TXNRD1: variants seen among roughly 807,000 people sequenced by gnomAD.
TXNRD1 encodes the protein thioredoxin reductase 1, also known as thioredoxin reductase 1, cytoplasmic.
A neutral mutation model predicts 80.3 loss-of-function variants in TXNRD1; 57 were observed. The ratio of observed to expected loss-of-function variants is 0.71; its 90% CI spans 0.57 to 0.89. The LOEUF is 0.89. Ranked by LOEUF, TXNRD1 falls within the 40% of genes least tolerant of loss-of-function variation. The pLI is 0.00. For synonymous variants in TXNRD1, 291 were observed against 285.2 expected (o/e 1.02, Z -0.20); for missense variants, 730 against 803.0 (o/e 0.91, Z 1.10).
intron 4 of TXNRD1, chr12:104,290,862 C>G: frequency 2.0e-6 from 1 of 501,454 alleles, no homozygotes; most frequent in African/African-American, 2.0e-5. Context: ...TCTACTGATA[C>G]TCCTGGTTTT....
At chr12:104,339,372 G>A in intron 16 of TXNRD1, 99 bp downstream of exon 16, 1 of 1,517,160 alleles carries the variant, frequency 6.6e-7, no homozygotes. Flanking sequence ...CCCTGAGTTT[G>A]ATGATGATTC....
intron 3 of TXNRD1, chr12:104,265,909 AAAAG>A: frequency 6.6e-6 from 6 of 915,956 alleles, no homozygotes; most frequent in Non-Finnish European, 8.2e-6. Context: ...AAAAAAAAAA[AAAAG>A]TGATCTGGCT....
chr12:104,287,406 A>G (rs1593753430), intron 3 of TXNRD1: 3 of 1,613,982 alleles, frequency 1.9e-6, no homozygotes, highest in Non-Finnish European at 2.5e-6. Flanking sequence ...TTGTAGAGAC[A>G]GTTTGCAGAA....
chr12:104,339,283 C>G lies in TXNRD1; in HGVS notation c.1881+10C>G, dbSNP rs2036244967. 1 of 1,613,782 alleles carries G rather than the reference C, an allele frequency of 6.2e-7. No homozygotes were observed. The highest frequency in any genetic ancestry group is 1.3e-5 in the African/African-American group (1 of 75,060). ...CCCTGTCTGTGCAGAGGTGGGTCAT[C>G]TACACTTATACAGTTTAAAATGTTT... On this transcript the variant is annotated intron_variant, in intron 16 of 16. Coordinates refer to ENST00000525566, the MANE Select transcript of TXNRD1 (RefSeq NM_001093771.3).
chr12:104,242,526 C>T lies in TXNRD1; in HGVS notation c.92-9001C>T, dbSNP rs190388898. Among the ~76,000 whole-genome samples, 40 of 150,386 alleles carry T rather than the reference C, an allele frequency of 2.7e-4. No individual in the cohort carries two copies. In the East Asian group the frequency reaches 7.4e-3, roughly 28 times the overall value. On this transcript the variant is annotated intron_variant, in intron 1 of 16. Transcript: ENST00000525566. The stretch of plus-strand genomic sequence containing the variant: ...TTGTGCCATTGCAATCCAGCATGGG[C>T]GACAAGAGTGAAACTCCGTCTAAAA...
intron 2 of TXNRD1, among the ~76,000 whole-genome samples, chr12:104,254,082 T>C (rs1317928641): frequency 6.6e-6 from 1 of 152,194 alleles, no homozygotes; most frequent in Non-Finnish European, 1.5e-5. Context: ...AGTCAGAGTG[T>C]GGATCTTGGC....
intron 4 of TXNRD1, among the ~76,000 whole-genome samples, chr12:104,296,369 G>A (rs190994056): frequency 6.6e-6 from 1 of 151,992 alleles, no homozygotes; most frequent in East Asian, 1.9e-4. Flanking sequence ...AATGAGGCTG[G>A]GCTTCTAAAA....
intron 1 of TXNRD1, among the ~76,000 whole-genome samples, chr12:104,232,415 T>C (rs771543880): frequency 6.6e-6 from 1 of 151,996 alleles, no homozygotes; most frequent in Non-Finnish European, 1.5e-5. Context: ...ATACAAAAAT[T>C]AGCTGGGTGT....
chr12:104,229,757 T>C (rs11829922), intron 1 of TXNRD1, among the ~76,000 whole-genome samples: 10,358 of 151,850 alleles, frequency 0.068, 460 homozygotes, highest in African/African-American at 0.12. Flanking sequence ...CACGCCTGGC[T>C]AATTTTTGTA....
chr12:104,267,449 T>C (rs549571152), intron 3 of TXNRD1, among the ~76,000 whole-genome samples: 15 of 151,774 alleles, frequency 9.9e-5, no homozygotes, highest in African/African-American at 3.4e-4. Flanking sequence ...AGCTAATTTT[T>C]GTATTTTCTG....
chr12:104,343,321 G>A (rs1442573530), intron 16 of TXNRD1, among the ~76,000 whole-genome samples: 2 of 152,190 alleles, frequency 1.3e-5, no homozygotes, highest in Non-Finnish European at 2.9e-5. Flanking sequence ...TTGTGCAGCT[G>A]ATACTTCATC....
At chr12:104,277,259 G>T (rs532095222) in intron 3 of TXNRD1, among the ~76,000 whole-genome samples, 1 of 151,766 alleles carries the variant, frequency 6.6e-6, no homozygotes, top group East Asian at 1.9e-4. Flanking sequence ...AATTAGCTGG[G>T]TGTGGTGGCG....
chr12:104,251,374 T>C (rs2033113754), intron 1 of TXNRD1, among the ~76,000 whole-genome samples, 153 bp from the exon 2 acceptor site: 1 of 152,242 alleles, frequency 6.6e-6, no homozygotes, highest in African/African-American at 2.4e-5. Context: ...GAAGTAAATC[T>C]ATAATCTTCA....
intron 3 of TXNRD1, among the ~76,000 whole-genome samples, chr12:104,266,607 C>G (rs2033493952): frequency 6.6e-6 from 1 of 150,666 alleles, no homozygotes; most frequent in South Asian, 2.1e-4. Context: ...CCGAGGCAAG[C>G]GGATCACAAG....
intron 16 of TXNRD1, among the ~76,000 whole-genome samples, chr12:104,344,158 A>G (rs569727315): frequency 2.6e-5 from 4 of 152,298 alleles, no homozygotes; most frequent in East Asian, 3.9e-4. Context: ...TTAAAATGCA[A>G]CCTGTAAAGT....
At chr12:104,313,053 G>C (rs1372240867) in intron 5 of TXNRD1, among the ~76,000 whole-genome samples, 192 bp from the exon 6 acceptor site, 1 of 152,056 alleles carries the variant, frequency 6.6e-6, no homozygotes, top group Non-Finnish European at 1.5e-5. Context: ...TCTACTCTCA[G>C]AACTATCTGA....
At chr12:104,336,794 G>A (rs1043538480) in intron 15 of TXNRD1, among the ~76,000 whole-genome samples, 1 of 152,170 alleles carries the variant, frequency 6.6e-6, no homozygotes. Flanking sequence ...GTCCTGTGAG[G>A]TATATATGCT....
intron 1 of TXNRD1, among the ~76,000 whole-genome samples, chr12:104,246,526 GTTT>G (rs66611871): frequency 1.1e-3 from 145 of 133,120 alleles, no homozygotes; most frequent in South Asian, 7.3e-3. Flanking sequence ...CTTTGTGATG[GTTT>G]TTTTTTTTTT....
At chr12:104,244,825 A>G (rs2032941557) in intron 1 of TXNRD1, among the ~76,000 whole-genome samples, 1 of 152,152 alleles carries the variant, frequency 6.6e-6, no homozygotes, top group African/African-American at 2.4e-5. Context: ...GATTGAAGAC[A>G]GGGAAAAGAA....
Sources: gnomAD v4.1 joint callset for allele counts (sites outside exome capture counted in the v4.1 genomes callset) on GRCh38, gnomAD v4.1.1 for gene constraint, MANE v1.5 for transcripts, NCBI Gene and HGNC (gene_info 2026-07-23, HGNC 2026-07-21) for gene names.